Variants in NRK observed in about 807,000 individuals in gnomAD.
NRK encodes Nik related kinase, also known as nik-related protein kinase.
Under a neutral mutation model 125.2 loss-of-function variants are expected in NRK, and 67 were observed. The observed-to-expected ratio is 0.54, with a 90% CI of 0.44 to 0.66. The LOEUF (loss-of-function observed/expected upper bound fraction) is 0.66, where lower values mean the gene tolerates loss of function less well. Ranked by LOEUF, NRK falls within the 30% of genes least tolerant of loss-of-function variation. NRK has a pLI of 0.00. For synonymous variants in NRK, 458 were observed against 429.0 expected (o/e 1.07, Z -0.84); for missense variants, 1,224 against 1,192.9 (o/e 1.03, Z -0.38).
At chrX:105,917,049 A>G (rs1037090904) in intron 15 of NRK, among the ~76,000 whole-genome samples, 1 of 110,720 alleles carries the variant, frequency 9.0e-6, no homozygotes, top group African/African-American at 3.3e-5. Context: ...GTCCAAAGAA[A>G]CTCTCTAAAT....
chrX:105,846,230 CAGAA>C (rs1462861387), intron 2 of NRK, among the ~76,000 whole-genome samples: 12 of 111,984 alleles, frequency 1.1e-4, no homozygotes, highest in Non-Finnish European at 2.3e-4. Context: ...AGATTTCTCA[CAGAA>C]AGACCGTTTG....
chrX:105,955,496 T>G lies in NRK; in HGVS notation c.4654-9T>G. ...TATCTGTTGACAGTGTATTTCTTTCTTTTTCAAGCTGTTCTTTACCTCTAC... is the reference window on the plus strand; with the variant it reads ...TATCTGTTGACAGTGTATTTCTTTCGTTTTCAAGCTGTTCTTTACCTCTAC... On this transcript the variant is annotated splice_polypyrimidine_tract_variant and intron_variant, in intron 28 of 28. Transcript: ENST00000243300. 1 of 1,127,650 alleles carries G rather than the reference T, an allele frequency of 8.9e-7. No individual in the cohort carries two copies. The highest frequency in any genetic ancestry group is 1.2e-6 in the Non-Finnish European group (1 of 829,964). The allele number at this position is 1,127,650 out of a possible 1,213,427, so 92.9% of individuals were successfully genotyped here. A position where few individuals can be genotyped will look rare whatever the true frequency, so the allele number is the denominator to read the frequency against.
intron 11 of NRK, chrX:105,907,324 A>G (rs1304371538): frequency 9.0e-6 from 1 of 111,537 alleles, no homozygotes; most frequent in East Asian, 2.8e-4. Flanking sequence ...TTTATATATT[A>G]TATTACATAT....
At chrX:105,904,206 C>T (rs1346950484) in intron 9 of NRK, among the ~76,000 whole-genome samples, 1 of 111,889 alleles carries the variant, frequency 8.9e-6, no homozygotes, top group Admixed American at 9.5e-5. Flanking sequence ...ATGAAATTGA[C>T]ACTGTGGTTC....
intron 2 of NRK, among the ~76,000 whole-genome samples, chrX:105,861,958 G>T (rs1028077091): frequency 1.8e-5 from 2 of 111,656 alleles, no homozygotes; most frequent in African/African-American, 6.5e-5. Context: ...AGCTAATCAG[G>T]AGGCTGAGAC....
At chrX:105,946,888 TATA>T (rs1318071712) in intron 26 of NRK, among the ~76,000 whole-genome samples, 2 of 111,914 alleles carry the variant, frequency 1.8e-5, no homozygotes, top group Admixed American at 9.5e-5. Flanking sequence ...TTTATATATT[TATA>T]ATAACTGACC....
chrX:105,936,129 G>A (rs1387955976), intron 21 of NRK, among the ~76,000 whole-genome samples: 1 of 111,238 alleles, frequency 9.0e-6, no homozygotes, highest in Non-Finnish European at 1.9e-5. Context: ...TTCAAGAAAG[G>A]GAGAAATCCA....
chrX:105,955,646 C>A lies in NRK; in HGVS notation c.*46C>A. 2 of 616,508 alleles carry A rather than the reference C, an allele frequency of 3.2e-6. No homozygotes were observed. Among genetic ancestry groups the A allele is most frequent in the Non-Finnish European group, 5.3e-6 (2 of 377,503 alleles). 50.8% of individuals were successfully genotyped at this position (616,508 alleles called of 1,213,427 possible). A position where few individuals can be genotyped will look rare whatever the true frequency, so the allele number is the denominator to read the frequency against. On this transcript the variant is annotated 3_prime_UTR_variant, in exon 29 of 29. Coordinates refer to ENST00000243300, the MANE Select transcript of NRK (RefSeq NM_198465.4). The stretch of plus-strand genomic sequence containing the variant: ...CCACATTATAAACATCATGTATAGG[C>A]AGTCTGCATCTTCAGATTTCAGAGA...
chrX:105,849,960 G>T (rs913003962), intron 2 of NRK, among the ~76,000 whole-genome samples: 28 of 112,073 alleles, frequency 2.5e-4, no homozygotes, highest in African/African-American at 8.8e-4. Flanking sequence ...TCTTCTCATA[G>T]CTCCACTAGG....
intron 1 of NRK, among the ~76,000 whole-genome samples, chrX:105,827,072 A>C (rs756192533): frequency 6.3e-5 from 7 of 111,472 alleles, no homozygotes; most frequent in African/African-American, 2.3e-4. Context: ...ACGTAGCGAG[A>C]GTCTATACAG....
chrX:105,884,568 G>A (rs962490613), intron 4 of NRK, among the ~76,000 whole-genome samples: 3 of 111,314 alleles, frequency 2.7e-5, no homozygotes, highest in African/African-American at 9.8e-5. Flanking sequence ...TAATAACTGA[G>A]TTATGTTTAG....
rs188779077 is a variant in NRK, at chrX:105,839,765, G to A, written c.123+8646G>A. Reference sequence around the variant, plus strand: ...GTTAGTTTTAGTAGAGATAAGGAAGGAAGTATTTTCTGTATGACCGTGACC... The same window carrying A: ...GTTAGTTTTAGTAGAGATAAGGAAGAAAGTATTTTCTGTATGACCGTGACC... On this transcript the variant is annotated intron_variant, in intron 2 of 28. Transcript: ENST00000243300. Among the ~76,000 whole-genome samples, 491 of 111,613 alleles carry A rather than the reference G, an allele frequency of 4.4e-3. 3 individuals carry two copies. Among genetic ancestry groups the A allele is most frequent in the African/African-American group, 0.015 (462 of 30,814 alleles).
chrX:105,955,275 C>A (rs1009179479), intron 28 of NRK, among the ~76,000 whole-genome samples: 4 of 111,371 alleles, frequency 3.6e-5, no homozygotes, highest in Non-Finnish European at 7.5e-5. Flanking sequence ...TTTTATTTAA[C>A]CATATAAATT....
At position 105,937,432 on chromosome X, in the gene NRK, T is replaced by G; in HGVS notation, c.3656-7T>G. The G allele has an allele frequency of 8.7e-7, 1 of 1,154,098 alleles. No homozygotes were observed. The highest frequency in any genetic ancestry group is 1.2e-6 in the Non-Finnish European group (1 of 855,554). ...GAGCTAATATAGCACTTTTTATATA[T>G]GAACAGGAGTCAATTTGCTGTTGGG... On this transcript the variant is annotated splice_polypyrimidine_tract_variant and splice_region_variant and intron_variant, in intron 21 of 28. Coordinates refer to ENST00000243300, the MANE Select transcript of NRK (RefSeq NM_198465.4).
chrX:105,949,139 T>G (rs1383882048), intron 26 of NRK, among the ~76,000 whole-genome samples: 1 of 111,910 alleles, frequency 8.9e-6, no homozygotes, highest in Non-Finnish European at 1.9e-5. Context: ...AGTTTTCTAT[T>G]TCTAATTTGA....
At chrX:105,898,450 G>A in intron 7 of NRK, 134 bp from the exon 8 acceptor site, 2 of 520,775 alleles carry the variant, frequency 3.8e-6, no homozygotes. Context: ...TAGACTTCAT[G>A]GTAAAGTTTG....
intron 2 of NRK, among the ~76,000 whole-genome samples, chrX:105,857,423 C>T: frequency 9.0e-6 from 1 of 111,270 alleles, no homozygotes; most frequent in Non-Finnish European, 1.9e-5. Context: ...AGATCAGAAA[C>T]CAATCAGGAG....
chrX:105,846,468 G>GT (rs777453623), intron 2 of NRK, among the ~76,000 whole-genome samples: 126 of 107,099 alleles, frequency 1.2e-3, no homozygotes, highest in South Asian at 3.6e-3. Flanking sequence ...AGAATATACT[G>GT]TTTTTTTTTT....
chrX:105,942,508 T>C (rs1244655135), intron 23 of NRK, among the ~76,000 whole-genome samples: 1 of 112,370 alleles, frequency 8.9e-6, no homozygotes, highest in African/African-American at 3.2e-5. Flanking sequence ...TTTTCATATG[T>C]TTACTGACCA....
Sources: gnomAD v4.1 joint callset for allele counts (sites outside exome capture counted in the v4.1 genomes callset) on GRCh38, gnomAD v4.1.1 for gene constraint, MANE v1.5 for transcripts, NCBI Gene and HGNC (gene_info 2026-07-23, HGNC 2026-07-21) for gene names.